The following LAMA2 variants were observed in gnomAD, a reference collection of about 807,000 sequenced individuals.
LAMA2 encodes laminin subunit alpha-2.
LAMA2 carries 269 observed loss-of-function variants against 364.8 expected under a neutral mutation model. That is an observed-to-expected ratio of 0.74 (90% CI 0.67 to 0.82). The LOEUF is 0.82. Ranked by LOEUF, LAMA2 falls within the 40% of genes least tolerant of loss-of-function variation. The pLI is 0.00. For synonymous variants in LAMA2, 1,379 were observed against 1,370.6 expected (o/e 1.01, Z -0.14); for missense variants, 3,807 against 3,873.2 (o/e 0.98, Z 0.45).
At chr6:129,347,431 G>C (rs975437940) in intron 30 of LAMA2, among the ~76,000 whole-genome samples, 1 of 152,138 alleles carries the variant, frequency 6.6e-6, no homozygotes, top group African/African-American at 2.4e-5. Context: ...TCAGAAAACT[G>C]AATTGTGAAG....
In LAMA2 at chr6:128,987,140, G is replaced by GTT. The variant is rs764115716; in HGVS notation, c.113-62763_113-62762dup. Among the ~76,000 whole-genome samples the GTT allele has an allele frequency of 9.7e-3, 1,176 of 121,178 alleles. 31 individuals are homozygous for GTT. Among genetic ancestry groups the GTT allele is most frequent in the East Asian group, 0.021 (71 of 3,422 alleles). The allele number at this position is 121,178 out of a possible 152,430, so 79.5% of individuals were successfully genotyped here. On this transcript the variant is annotated intron_variant, in intron 1 of 64. Coordinates refer to ENST00000421865, the MANE Select transcript of LAMA2 (RefSeq NM_000426.4). ...TAGGATAGTTTGTTTTTTTTTTTTT[G>GTT]TTTTTTTTTTTTTTTTGAGGCAGAG...
chr6:129,088,961 G>C (rs536121289), intron 3 of LAMA2, among the ~76,000 whole-genome samples: 2 of 151,246 alleles, frequency 1.3e-5, no homozygotes, highest in East Asian at 4.0e-4. Context: ...GCCAAGGCAG[G>C]CGGCTGGGAG....
At chr6:129,280,979 C>T (rs1346634504) in intron 18 of LAMA2, among the ~76,000 whole-genome samples, 1 of 152,096 alleles carries the variant, frequency 6.6e-6, no homozygotes, top group African/African-American at 2.4e-5. Flanking sequence ...GTCATCTTGG[C>T]AGCTATCACC....
intron 27 of LAMA2, among the ~76,000 whole-genome samples, chr6:129,316,426 C>A (rs955872703): frequency 6.6e-6 from 1 of 152,002 alleles, no homozygotes; most frequent in Non-Finnish European, 1.5e-5. Flanking sequence ...TTTAAGATGC[C>A]AGTCATAAAT....
chr6:129,431,398 A>T (rs1028400131), intron 41 of LAMA2, among the ~76,000 whole-genome samples: 3 of 136,178 alleles, frequency 2.2e-5, no homozygotes, highest in Non-Finnish European at 3.2e-5. Flanking sequence ...GACTCTATCT[A>T]AAAAAAAAAA....
intron 2 of LAMA2, among the ~76,000 whole-genome samples, chr6:129,052,427 C>T (rs1788136707): frequency 6.6e-6 from 1 of 151,660 alleles, no homozygotes; most frequent in Non-Finnish European, 1.5e-5. Context: ...GGATTACAGG[C>T]GTGAGCCACC....
Position 129,328,291 on chromosome 6 carries a change from G to A in LAMA2, c.4190G>A (p.Gly1397Glu). 1 of 1,614,112 alleles carries A rather than the reference G, an allele frequency of 6.2e-7. No homozygotes were observed. The highest frequency in any genetic ancestry group is 8.5e-7 in the Non-Finnish European group (1 of 1,179,994). The stretch of plus-strand genomic sequence containing the variant: ...CTTTTCTTTCAGGCATGCTTGCCGG[G>A]ATTTTATCGACTGCGTTCTCAACCA... The part of the protein sequence containing the change: ...SGLSCEACLP[G>E]FYRLRSQPGG... The change falls in exon 29 of 65, where the codon GGA (glycine) becomes GAA (glutamate). Residue 1397 changes from glycine (G) to glutamate (E), a missense_variant. Physicochemically the swap from Gly to Glu is moderately conservative, Grantham distance 98. Coordinates refer to ENST00000421865, the MANE Select transcript of LAMA2 (RefSeq NM_000426.4).
At chr6:128,962,469 T>G (rs1781597550) in intron 1 of LAMA2, among the ~76,000 whole-genome samples, 1 of 151,960 alleles carries the variant, frequency 6.6e-6, no homozygotes, top group African/African-American at 2.4e-5. Context: ...GCTTAAGAGG[T>G]TCTTTAACTG....
intron 4 of LAMA2, among the ~76,000 whole-genome samples, chr6:129,136,178 A>G (rs1777781754): frequency 6.6e-6 from 1 of 152,074 alleles, no homozygotes; most frequent in African/African-American, 2.4e-5. Context: ...AATTCTGTGG[A>G]TTACAGGTCA....
At chr6:129,054,987 T>C (rs1788368979) in intron 2 of LAMA2, among the ~76,000 whole-genome samples, 1 of 150,336 alleles carries the variant, frequency 6.7e-6, no homozygotes, top group African/African-American at 2.4e-5. Context: ...ATTCAGAGTA[T>C]CTTTTGTCTC....
At position 128,962,763 on chromosome 6, in the gene LAMA2, T is replaced by A. The variant is rs1274384477; in HGVS notation, c.112+79406T>A. The stretch of plus-strand genomic sequence containing the variant: ...AAATCCCAATCACAACTGTGATTAA[T>A]TACAAATATCTTATGCATGTATTTC... On this transcript the variant is annotated intron_variant, in intron 1 of 64. Coordinates refer to ENST00000421865, the MANE Select transcript of LAMA2 (RefSeq NM_000426.4). 2.6e-5 allele frequency among the ~76,000 whole-genome samples: 4 copies of A among 152,196 alleles called. No individual in the cohort carries two copies. In the East Asian group the frequency reaches 5.8e-4, roughly 22 times the overall value.
At chr6:129,515,591 A>C (rs1786989216) in intron 64 of LAMA2, among the ~76,000 whole-genome samples, 1 of 151,486 alleles carries the variant, frequency 6.6e-6, no homozygotes, top group Non-Finnish European at 1.5e-5. Flanking sequence ...TATTTTTACA[A>C]TGTAAGAAAG....
chr6:129,053,214 C>T (rs1369185975), intron 2 of LAMA2, among the ~76,000 whole-genome samples: 3 of 152,110 alleles, frequency 2.0e-5, no homozygotes, highest in South Asian at 2.1e-4. Flanking sequence ...GAGAGGCATG[C>T]GCCACCATGC....
chr6:129,160,802 A>G (rs968719283), intron 8 of LAMA2, among the ~76,000 whole-genome samples: 2 of 151,428 alleles, frequency 1.3e-5, no homozygotes, highest in African/African-American at 4.8e-5. Context: ...TTCTCTTGTG[A>G]TTTATTTTTT....
intron 1 of LAMA2, among the ~76,000 whole-genome samples, chr6:129,017,643 C>G (rs979118945): frequency 2.0e-5 from 3 of 151,992 alleles, no homozygotes; most frequent in Admixed American, 1.3e-4. Flanking sequence ...CATTGACTAG[C>G]CACCTGCCAC....
chr6:129,510,645 A>G (rs1786498906), intron 62 of LAMA2, among the ~76,000 whole-genome samples: 1 of 152,148 alleles, frequency 6.6e-6, no homozygotes, highest in Non-Finnish European at 1.5e-5. Flanking sequence ...AAAAATGATT[A>G]AAGACAAAAA....
At position 129,050,136 on chromosome 6, in the gene LAMA2, T is replaced by C. The variant is rs750077682; in HGVS notation, c.283+48T>C. The C allele has an allele frequency of 2.9e-5, 46 of 1,585,778 alleles. No individual in the cohort carries two copies. In the South Asian group the frequency reaches 4.8e-4, roughly 16 times the overall value. ...GTGTGGCGCTGGGTAGGATCTATAA[T>C]TGTGAGATGTTGAGGCCAAGTTGCA... On this transcript the variant is annotated intron_variant, in intron 2 of 64. Transcript: ENST00000421865.
intron 1 of LAMA2, among the ~76,000 whole-genome samples, chr6:128,938,099 A>T (rs1387303397): frequency 6.6e-6 from 1 of 151,860 alleles, no homozygotes. Context: ...AATATTTCTG[A>T]CTTTTTAGCC....
At chr6:129,346,250 A>G (rs1005338200) in intron 30 of LAMA2, among the ~76,000 whole-genome samples, 1 of 152,138 alleles carries the variant, frequency 6.6e-6, no homozygotes, top group African/African-American at 2.4e-5. Flanking sequence ...CCTCAACTCC[A>G]TTCTATATAA....
Sources: allele counts gnomAD v4.1 joint callset (sites outside exome capture counted in the v4.1 genomes callset), GRCh38; gene constraint gnomAD v4.1.1; transcripts MANE v1.5; gene names NCBI Gene and HGNC (gene_info 2026-07-23, HGNC 2026-07-21).